Variants in HTN1 observed in about 807,000 individuals in gnomAD.
The protein encoded by HTN1 is histatin-1.
A neutral mutation model predicts 11.2 loss-of-function variants in HTN1; 18 were observed. The ratio of observed to expected loss-of-function variants is 1.61; its 90% CI spans 1.12 to 2.39. HTN1 has a LOEUF of 2.39. HTN1 is among the 30% of genes most tolerant of loss of function. HTN1 has a pLI of 0.00. For synonymous variants in HTN1, 21 were observed against 20.5 expected (o/e 1.02, Z -0.07); for missense variants, 80 against 67.2 (o/e 1.19, Z -0.67).
At chr4:70,052,992 T>A in intron 1 of HTN1, 72 bp from the exon 2 acceptor site, 1 of 899,704 alleles carries the variant, frequency 1.1e-6, no homozygotes, top group African/African-American at 1.6e-5. Flanking sequence ...AAGCATAGTG[T>A]CATCAATAGA....
At chr4:70,052,697 T>A (rs1235216619) in intron 1 of HTN1, among the ~76,000 whole-genome samples, 1 of 151,318 alleles carries the variant, frequency 6.6e-6, no homozygotes, top group African/African-American at 2.4e-5. Flanking sequence ...ACACCTGTAA[T>A]CCAAGCATTT....
At chr4:70,052,402 C>A (rs1332545454) in intron 1 of HTN1, among the ~76,000 whole-genome samples, 5 of 152,134 alleles carry the variant, frequency 3.3e-5, no homozygotes, top group Admixed American at 3.3e-4. Context: ...AGTGTCACAA[C>A]AACCTAAGTG....
intron 2 of HTN1, 36 bp downstream of exon 2, chr4:70,053,163 C>T (rs1447149696): frequency 2.3e-6 from 3 of 1,319,142 alleles, no homozygotes; most frequent in Non-Finnish European, 3.3e-6. Flanking sequence ...ACTACATTCT[C>T]AGTACTTATC....
chr4:70,051,725 A>G (rs1725899014), intron 1 of HTN1, among the ~76,000 whole-genome samples: 1 of 152,154 alleles, frequency 6.6e-6, no homozygotes, highest in Admixed American at 6.6e-5. Flanking sequence ...CGAATAAATA[A>G]TATGGTAAAT....
intron 1 of HTN1, 174 bp from the exon 2 acceptor site, chr4:70,052,890 T>A (rs1725932782): frequency 1.9e-6 from 1 of 521,652 alleles, no homozygotes; most frequent in East Asian, 3.0e-5. Flanking sequence ...GGTGGGAGGA[T>A]GGCTTGAGAC....
intron 2 of HTN1, among the ~76,000 whole-genome samples, 164 bp from the exon 3 acceptor site, chr4:70,054,158 A>C (rs1365841287): frequency 2.6e-5 from 4 of 152,094 alleles, no homozygotes; most frequent in African/African-American, 4.8e-5. Flanking sequence ...CCCCTCACTC[A>C]TTTTGAAGAT....
At chr4:70,051,259 T>C (rs1725885576) in intron 1 of HTN1, among the ~76,000 whole-genome samples, 1 of 152,172 alleles carries the variant, frequency 6.6e-6, no homozygotes, top group Admixed American at 6.6e-5. Context: ...ATTACTTTTT[T>C]ATTGACCTTT....
Sources: gnomAD v4.1 joint callset for allele counts (sites outside exome capture counted in the v4.1 genomes callset) on GRCh38, gnomAD v4.1.1 for gene constraint, MANE v1.5 for transcripts, NCBI Gene and HGNC (gene_info 2026-07-23, HGNC 2026-07-21) for gene names.